PPFIA1: variants seen among roughly 807,000 people sequenced by gnomAD.
The protein encoded by PPFIA1 is PPFI scaffold protein A1.
In PPFIA1, 25 loss-of-function variants were observed where a neutral mutation model predicts 149.9. That is an observed-to-expected ratio of 0.17 (90% confidence interval 0.12 to 0.23). PPFIA1 has a LOEUF of 0.23. Ranked by LOEUF, PPFIA1 falls within the 10% of genes least tolerant of loss-of-function variation. The pLI is 1.00. For synonymous variants in PPFIA1, 549 were observed against 552.8 expected, an observed-to-expected ratio of 0.99 and a Z score of 0.10; for missense variants, 1,362 against 1,506.5, an observed-to-expected ratio of 0.90 and a Z score of 1.59.
chr11:70,343,848 C>A lies in PPFIA1; in HGVS notation c.1887C>A (p.Ala629=). 1 of 1,614,108 alleles carries A rather than the reference C, an allele frequency of 6.2e-7. No homozygotes were observed. The highest frequency in any genetic ancestry group is 8.5e-7 in the Non-Finnish European group (1 of 1,180,026). The part of the protein sequence containing the change: ...PSGQADAHTL[A]MMLQEQLDAI... ...GGCAGGCCGACGCGCACACACTAGCCATGATGCTTCAGGAGCAGCTGGACG... is the reference window on the plus strand; with the variant it reads ...GGCAGGCCGACGCGCACACACTAGCAATGATGCTTCAGGAGCAGCTGGACG... The change falls in exon 15 of 28, where the codon GCC becomes GCA. Residue 629 remains alanine, a synonymous_variant. Transcript: ENST00000253925.
At position 70,336,356 on chromosome 11, in the gene PPFIA1, G is replaced by A. The variant is rs182285309; in HGVS notation, c.1428+662G>A. On this transcript the variant is annotated intron_variant, in intron 11 of 27. Coordinates refer to ENST00000253925, the MANE Select transcript of PPFIA1 (RefSeq NM_003626.5). ...ATCTCTACTAAAAATATAAAAATTA[G>A]CCAGGCCTGGGGGCACCCGCCTGTA... is the stretch of plus-strand genomic sequence containing the variant. Among the ~76,000 whole-genome samples the A allele has an allele frequency of 2.9e-3, 447 of 152,124 alleles. 8 individuals carry two copies. Among genetic ancestry groups the A allele is most frequent in the Non-Finnish European group, 3.2e-3 (218 of 67,986 alleles).
intron 26 of PPFIA1, among the ~76,000 whole-genome samples, chr11:70,380,735 CAA>C (rs113647001): frequency 4.5e-4 from 47 of 104,114 alleles, no homozygotes; most frequent in Admixed American, 7.7e-4. Context: ...AACTCTGTCT[CAA>C]AAAAAAAAAA....
intron 17 of PPFIA1, among the ~76,000 whole-genome samples, chr11:70,354,930 C>T (rs770681603): frequency 1.3e-5 from 2 of 152,044 alleles, no homozygotes; most frequent in Non-Finnish European, 2.9e-5. Flanking sequence ...AGTATGCTAT[C>T]TATGCTATCT....
chr11:70,279,153 G>A (rs931179030), intron 2 of PPFIA1: 8 of 540,182 alleles, frequency 1.5e-5, no homozygotes, highest in South Asian at 1.2e-4. Flanking sequence ...AGCGGCAGTC[G>A]CGCCCACACG....
At chr11:70,299,942 G>A (rs187364175) in intron 2 of PPFIA1, among the ~76,000 whole-genome samples, 2 of 152,168 alleles carry the variant, frequency 1.3e-5, no homozygotes, top group East Asian at 1.9e-4. Flanking sequence ...CTGTCTAGGC[G>A]CAGGAACAGA....
chr11:70,326,509 G>A, intron 6 of PPFIA1, 88 bp from the exon 7 acceptor site: 1 of 1,326,208 alleles, frequency 7.5e-7, no homozygotes, highest in Non-Finnish European at 1.1e-6. Context: ...GCATAAGTCA[G>A]TTTTGATTTT....
At chr11:70,278,379 G>A (rs2050545603) in intron 2 of PPFIA1, among the ~76,000 whole-genome samples, 1 of 152,182 alleles carries the variant, frequency 6.6e-6, no homozygotes, top group Non-Finnish European at 1.5e-5. Context: ...ATAGAATACT[G>A]GGATCGTGGT....
In PPFIA1 at chr11:70,300,285, C is replaced by T. The variant is rs904828714; in HGVS notation, c.265-24117C>T. Among the ~76,000 whole-genome samples the T allele has an allele frequency of 5.3e-5, 8 of 152,318 alleles. No individual in the cohort carries two copies. In the South Asian group the frequency reaches 8.3e-4, roughly 16 times the overall value. On this transcript the variant is annotated intron_variant, in intron 2 of 27. Coordinates refer to ENST00000253925, the MANE Select transcript of PPFIA1 (RefSeq NM_003626.5). Reference sequence around the variant, plus strand: ...TCACTCCTCATAGGTGCTTTTTCTCCGCCAGTTCCTACTGGGATTCAGGGG... The same window carrying T: ...TCACTCCTCATAGGTGCTTTTTCTCTGCCAGTTCCTACTGGGATTCAGGGG...
At chr11:70,351,895 C>T (rs1398733664) in intron 16 of PPFIA1, among the ~76,000 whole-genome samples, 1 of 152,226 alleles carries the variant, frequency 6.6e-6, no homozygotes, top group Non-Finnish European at 1.5e-5. Flanking sequence ...TCCAAGGCCA[C>T]TTCTCTTTAG....
At chr11:70,306,690 C>T (rs1338790094) in intron 2 of PPFIA1, among the ~76,000 whole-genome samples, 1 of 152,038 alleles carries the variant, frequency 6.6e-6, no homozygotes. Context: ...TATAGCAACA[C>T]AAAAGAAGAG....
intron 2 of PPFIA1, among the ~76,000 whole-genome samples, chr11:70,277,207 C>T (rs568143327): frequency 2.2e-4 from 33 of 151,400 alleles, no homozygotes; most frequent in African/African-American, 7.3e-4. Flanking sequence ...ATAGAGACAG[C>T]GTCTTGCTGT....
chr11:70,321,964 G>T (rs1315943000), intron 2 of PPFIA1, among the ~76,000 whole-genome samples: 1 of 152,182 alleles, frequency 6.6e-6, no homozygotes, highest in Non-Finnish European at 1.5e-5. Flanking sequence ...CCACCTCCCG[G>T]GTTCAAGCGA....
In PPFIA1 at chr11:70,300,276, C is replaced by A. The variant is rs184546031; in HGVS notation, c.265-24126C>A. On this transcript the variant is annotated intron_variant, in intron 2 of 27. Transcript: ENST00000253925. Reference sequence around the variant, plus strand: ...GGTTTCTTCTCACTCCTCATAGGTGCTTTTTCTCCGCCAGTTCCTACTGGG... The same window carrying A: ...GGTTTCTTCTCACTCCTCATAGGTGATTTTTCTCCGCCAGTTCCTACTGGG... Among the ~76,000 whole-genome samples the A allele has an allele frequency of 2.0e-3, 301 of 152,322 alleles. 2 individuals carry two copies. The highest frequency in any genetic ancestry group is 6.8e-3 in the African/African-American group (284 of 41,570).
At chr11:70,366,132 G>C (rs2056924214) in intron 21 of PPFIA1, among the ~76,000 whole-genome samples, 1 of 152,194 alleles carries the variant, frequency 6.6e-6, no homozygotes, top group African/African-American at 2.4e-5. Flanking sequence ...GCAAAACATA[G>C]CATCAAAGAG....
chr11:70,285,907 ATT>A (rs2051082728), intron 2 of PPFIA1, among the ~76,000 whole-genome samples: 1 of 152,014 alleles, frequency 6.6e-6, no homozygotes, highest in Non-Finnish European at 1.5e-5. Context: ...TTTAGCCCAC[ATT>A]TTTTTCGTTG....
intron 2 of PPFIA1, among the ~76,000 whole-genome samples, chr11:70,285,155 C>T (rs1214848567): frequency 3.3e-5 from 5 of 151,908 alleles, no homozygotes; most frequent in Admixed American, 1.3e-4. Context: ...TACAGGCGCC[C>T]GCCACCGTGC....
intron 8 of PPFIA1, among the ~76,000 whole-genome samples, chr11:70,331,076 A>C (rs2054622669): frequency 1.3e-5 from 2 of 152,250 alleles, no homozygotes; most frequent in South Asian, 4.2e-4. Context: ...TACTAAAAAT[A>C]CAAAAATTAG....
At chr11:70,382,333 A>G (rs568150288) in intron 27 of PPFIA1, among the ~76,000 whole-genome samples, 175 bp downstream of exon 27, 11 of 152,310 alleles carry the variant, frequency 7.2e-5, no homozygotes, top group African/African-American at 2.4e-4. Context: ...TGTTGTTACA[A>G]TTGATCATAA....
chr11:70,332,931 A>G, intron 9 of PPFIA1: 1 of 428,372 alleles, frequency 2.3e-6, no homozygotes, highest in Non-Finnish European at 4.8e-6. Context: ...TAACAGCTGT[A>G]AGAACCTATC....
Sources: gnomAD v4.1 joint callset for allele counts (sites outside exome capture counted in the v4.1 genomes callset) on GRCh38, gnomAD v4.1.1 for gene constraint, MANE v1.5 for transcripts, NCBI Gene and HGNC (gene_info 2026-07-23, HGNC 2026-07-21) for gene names.